N4BP2: variants seen among roughly 807,000 people sequenced by gnomAD.
N4BP2 encodes NEDD4-binding protein 2.
Under a neutral mutation model 152.8 loss-of-function variants are expected in N4BP2, and 91 were observed. The observed-to-expected ratio is 0.60, with a 90% CI of 0.50 to 0.71. The LOEUF is 0.71. Among genes scored for constraint, N4BP2 ranks in the 30% least tolerant of loss-of-function variants. N4BP2 has a pLI of 0.00. For missense variants in N4BP2, 1,923 were observed against 2,059.1 expected (o/e 0.93, Z 1.28); for synonymous variants, 646 against 705.3 (o/e 0.92, Z 1.33).
chr4:40,135,561 T>C (rs1719309452), intron 13 of N4BP2, among the ~76,000 whole-genome samples: 1 of 152,124 alleles, frequency 6.6e-6, no homozygotes, highest in Non-Finnish European at 1.5e-5. Context: ...TTACAGTCTT[T>C]CTTTCTTTCT....
chr4:40,112,600 A>AT (rs1306808028), intron 6 of N4BP2, among the ~76,000 whole-genome samples: 11 of 151,536 alleles, frequency 7.3e-5, no homozygotes, highest in African/African-American at 2.7e-4. Flanking sequence ...AAACTCAGCT[A>AT]TTTTCTCTGA....
chr4:40,115,884 G>A (rs1296999557), intron 7 of N4BP2, among the ~76,000 whole-genome samples: 1 of 152,162 alleles, frequency 6.6e-6, no homozygotes, highest in Non-Finnish European at 1.5e-5. Context: ...GTATTTGAGA[G>A]ATGAATGTTG....
At chr4:40,142,320 G>C (rs1274270804) in intron 14 of N4BP2, 1 of 314,864 alleles carries the variant, frequency 3.2e-6, no homozygotes, top group Middle Eastern at 4.9e-4. Context: ...TGGTGGCGAC[G>C]GCTGGAGTTG....
At chr4:40,068,496 T>C (rs115494326) in intron 1 of N4BP2, among the ~76,000 whole-genome samples, 2,414 of 152,310 alleles carry the variant, frequency 0.016, 78 homozygotes, top group African/African-American at 0.055. Flanking sequence ...TTGTATTCAA[T>C]GTAACATAAG....
In N4BP2 at chr4:40,141,191, C is replaced by T. The variant is rs376672770; in HGVS notation, c.4786-1482C>T. 1.5e-3 allele frequency among the ~76,000 whole-genome samples: 227 copies of T among 150,444 alleles called. 3 individuals carry two copies. Among genetic ancestry groups the T allele is most frequent in the East Asian group, 2.0e-4 (1 of 4,990 alleles). On this transcript the variant is annotated intron_variant, in intron 14 of 17. Coordinates refer to ENST00000261435, the MANE Select transcript of N4BP2 (RefSeq NM_018177.6). ...CCGGGCAGAGGCGCCCCTCACCTCC[C>T]GGAGGGGGCGGCTGGCCTGGCGGGG... is the stretch of plus-strand genomic sequence containing the variant.
At chr4:40,161,793 A>T (rs1431935917), downstream of N4BP2, among the ~76,000 whole-genome samples, 1 of 152,240 alleles carries the variant, frequency 6.6e-6, no homozygotes, top group Admixed American at 6.5e-5. Flanking sequence ...TCTATAAAAA[A>T]GGATTTTTAA....
At chr4:40,128,076 AAATATCTAAAT>A (rs1374897798) in intron 12 of N4BP2, among the ~76,000 whole-genome samples, 2 of 152,234 alleles carry the variant, frequency 1.3e-5, no homozygotes, top group Non-Finnish European at 2.9e-5. Context: ...CTTTATTTCA[AAATATCTAAAT>A]ATATGAAGCC....
At chr4:40,118,595 T>C (rs970755521) in intron 8 of N4BP2, among the ~76,000 whole-genome samples, 1 of 152,214 alleles carries the variant, frequency 6.6e-6, no homozygotes, top group Non-Finnish European at 1.5e-5. Context: ...GAGTCCGTGA[T>C]TATGCTATGA....
At position 40,121,186 on chromosome 4, in the gene N4BP2, A is replaced by G. The variant is rs1725741251; in HGVS notation, c.3075A>G (p.Leu1025=). 1.2e-6 allele frequency: 2 copies of G among 1,613,998 alleles called. No individual in the cohort carries two copies. The highest frequency in any genetic ancestry group is 1.1e-5 in the South Asian group (1 of 91,088). ...TQTEPQDFAL[L]WKIEKNKISI... ...CTGAACCACAGGATTTTGCTCTTTT[A>G]TGGAAAATAGAAAAGAATAAAATTA... The change falls in exon 9 of 18, where the codon TTA becomes TTG. Residue 1025 remains leucine, a synonymous_variant. Transcript: ENST00000261435.
At position 40,103,093 on chromosome 4, in the gene N4BP2, A is replaced by G; in HGVS notation, c.1248A>G (p.Gly416=). The G allele has an allele frequency of 1.9e-6, 3 of 1,614,238 alleles. No homozygotes were observed. The highest frequency in any genetic ancestry group is 2.5e-6 in the Non-Finnish European group (3 of 1,180,050). The change falls in exon 4 of 18, where the codon GGA becomes GGG. Residue 416 remains glycine (G), a synonymous_variant. Transcript: ENST00000261435. ...CAAAAGTATGGAGAAATAAAGATGGAACAAGTGCTTATCAAGTACAAGAAA... is the reference window on the plus strand; with the variant it reads ...CAAAAGTATGGAGAAATAAAGATGGGACAAGTGCTTATCAAGTACAAGAAA... ...SPTKVWRNKD[G]TSAYQVQETP... is the part of the protein sequence containing the mutation.
rs561773954 is a variant in N4BP2 at position 40,094,352 on chromosome 4, A to G, written c.-114-2875A>G. On this transcript the variant is annotated intron_variant, in intron 2 of 17. Transcript: ENST00000261435. ...GGAGTGTTCTGTAAGTGTTGATTAG[A>G]TCCTTAATTATTGGTGTTGTTGAGT... is the stretch of plus-strand genomic sequence containing the variant. Among the ~76,000 whole-genome samples, 7 of 152,062 alleles carry G rather than the reference A, an allele frequency of 4.6e-5. No individual in the cohort carries two copies. In the South Asian group the frequency reaches 1.2e-3, roughly 27 times the overall value.
chr4:40,093,747 C>T (rs967331239), intron 2 of N4BP2, among the ~76,000 whole-genome samples: 13 of 152,012 alleles, frequency 8.6e-5, no homozygotes, highest in Admixed American at 1.3e-4. Flanking sequence ...TTCTTCAGTG[C>T]GCGTGCCAGC....
chr4:40,170,180 A>G, the N4BP2 span, among the ~76,000 whole-genome samples: 2 of 152,356 alleles, frequency 1.3e-5, no homozygotes, highest in East Asian at 3.9e-4. Flanking sequence ...ATAAATTTCA[A>G]GATATATACC....
intron 12 of N4BP2, 110 bp downstream of exon 12, chr4:40,126,440 T>C (rs1232585702): frequency 1.9e-6 from 1 of 536,644 alleles, no homozygotes; most frequent in Non-Finnish European, 3.2e-6. Flanking sequence ...ATATTTAACC[T>C]GATTGAATTT....
chr4:40,062,365 C>A (rs571319342), intron 1 of N4BP2, among the ~76,000 whole-genome samples: 15 of 152,210 alleles, frequency 9.9e-5, no homozygotes, highest in African/African-American at 3.6e-4. Flanking sequence ...TCCCTATCCT[C>A]GCTGCTGCCC....
chr4:40,133,535 T>A (rs1719082482), intron 13 of N4BP2, among the ~76,000 whole-genome samples: 1 of 151,994 alleles, frequency 6.6e-6, no homozygotes, highest in African/African-American at 2.4e-5. Flanking sequence ...AAGGTTTCAC[T>A]ATGTTGGCCA....
At chr4:40,078,135 G>GTT (rs2109911538) in intron 2 of N4BP2, among the ~76,000 whole-genome samples, 1 of 151,942 alleles carries the variant, frequency 6.6e-6, no homozygotes, top group African/African-American at 2.4e-5. Context: ...GTGTGTGTGT[G>GTT]TGTGTGTGTG....
At chr4:40,160,690 T>C (rs536978905), downstream of N4BP2, among the ~76,000 whole-genome samples, 1 of 152,256 alleles carries the variant, frequency 6.6e-6, no homozygotes, top group South Asian at 2.1e-4. Context: ...TCAGACTGAC[T>C]CCCTAACTGG....
intron 8 of N4BP2, among the ~76,000 whole-genome samples, chr4:40,118,487 T>C (rs994944280): frequency 1.3e-5 from 2 of 152,190 alleles, no homozygotes; most frequent in East Asian, 3.8e-4. Flanking sequence ...GATTTACTTA[T>C]AGTCTTACCT....
Sources: gnomAD v4.1 joint callset for allele counts (sites outside exome capture counted in the v4.1 genomes callset) on GRCh38, gnomAD v4.1.1 for gene constraint, MANE v1.5 for transcripts, NCBI Gene and HGNC (gene_info 2026-07-23, HGNC 2026-07-21) for gene names.